The following PIK3R6 variants were observed in gnomAD, a reference collection of about 807,000 sequenced individuals.
The protein encoded by PIK3R6 is phosphoinositide-3-kinase regulatory subunit 6.
A neutral mutation model predicts 84.9 loss-of-function variants in PIK3R6; 91 were observed. The observed-to-expected ratio is 1.07, with a 90% CI of 0.90 to 1.28. The LOEUF (loss-of-function observed/expected upper bound fraction) is 1.28, where lower values mean the gene tolerates loss of function less well. PIK3R6 is among the 50% of genes most tolerant of loss of function. The pLI is 0.00. For missense variants in PIK3R6, 996 were observed against 985.1 expected, an observed-to-expected ratio of 1.01 and a Z score of -0.15; for synonymous variants, 416 against 411.4, an observed-to-expected ratio of 1.01 and a Z score of -0.13.
intron 1 of PIK3R6, among the ~76,000 whole-genome samples, chr17:8,856,461 G>C (rs1206693712): frequency 6.6e-6 from 1 of 152,170 alleles, no homozygotes; most frequent in African/African-American, 2.4e-5. Flanking sequence ...AATTAGCCAG[G>C]CATGGTGGCA....
At chr17:8,816,426 T>C (rs8070442) in intron 18 of PIK3R6, among the ~76,000 whole-genome samples, 3,450 of 152,310 alleles carry the variant, frequency 0.023, 127 homozygotes, top group African/African-American at 0.076. Context: ...CAAGGAAATA[T>C]GGTCTTTAGA....
At chr17:8,813,326 G>A (rs56373714) in intron 18 of PIK3R6, among the ~76,000 whole-genome samples, 5,742 of 152,090 alleles carry the variant, frequency 0.038, 380 homozygotes, top group African/African-American at 0.13. Flanking sequence ...GACATACAAG[G>A]AAGAACTGAT....
rs1401611445 is a variant in PIK3R6 at position 8,828,594 on chromosome 17, C to T, written c.1286G>A (p.Arg429His). 13 of 1,612,848 alleles carry T rather than the reference C, an allele frequency of 8.1e-6. No homozygotes were observed. The highest frequency in any genetic ancestry group is 1.1e-5 in the Non-Finnish European group (13 of 1,179,628). The change falls in exon 11 of 20, where the codon CGC (arginine) becomes CAC (histidine). Residue 429 changes from arginine (R) to histidine (H), a missense_variant. By Grantham distance (29) the Arg-to-His change is conservative. Coordinates refer to ENST00000619866, the MANE Select transcript of PIK3R6 (RefSeq NM_001010855.4). Reference sequence around the variant, plus strand: ...GAGTCTGTGGTAGGCCTGGGCCAGGCGCCCCAGCATCCTGTCATCTCCGAG... The same window carrying T: ...GAGTCTGTGGTAGGCCTGGGCCAGGTGCCCCAGCATCCTGTCATCTCCGAG... Reference protein sequence around the residue: ...LVLGDDRMLGRLAQAYHRLRK... With the variant: ...LVLGDDRMLGHLAQAYHRLRK...
intron 10 of PIK3R6, among the ~76,000 whole-genome samples, chr17:8,829,216 CACACACACAGAG>C (rs886279602): frequency 1.1e-4 from 7 of 61,936 alleles, no homozygotes; most frequent in African/African-American, 2.7e-4. Flanking sequence ...CACACACAGA[CACACACACAGAG>C]ACACACTGAA....
At position 8,803,722 on chromosome 17, in the gene PIK3R6, A is replaced by G; in HGVS notation, c.2109-293T>C. 1.8e-6 allele frequency: 1 copy of G among 544,866 alleles called. No homozygotes were observed. The highest frequency in any genetic ancestry group is 3.3e-6 in the Non-Finnish European group (1 of 306,486). The allele number at this position is 544,866 out of a possible 1,614,324, so 33.8% of individuals were successfully genotyped here. A position where few individuals can be genotyped will look rare whatever the true frequency, so the allele number is the denominator to read the frequency against. ...CAGCTAACTGGAACACAGATGCCAC[A>G]GGTCAGCCTGTGTGGGAGGGGCCCG... On this transcript the variant is annotated intron_variant, in intron 19 of 19. Coordinates refer to ENST00000619866, the MANE Select transcript of PIK3R6 (RefSeq NM_001010855.4). This position sits in a 1 kb window ranked among gnomAD's most constrained non-coding sequence, Gnocchi z 5.0.
chr17:8,865,875 G>A (rs1005974323), intron 1 of PIK3R6, among the ~76,000 whole-genome samples: 1 of 151,982 alleles, frequency 6.6e-6, no homozygotes, highest in African/African-American at 2.4e-5. Context: ...GAGCCAGTGG[G>A]GTGGGGGTGG....
At chr17:8,816,557 A>G (rs2087550120) in intron 18 of PIK3R6, among the ~76,000 whole-genome samples, 1 of 152,246 alleles carries the variant, frequency 6.6e-6, no homozygotes, top group African/African-American at 2.4e-5. Flanking sequence ...ACAAAGCGGG[A>G]AAAGTATTTC....
At chr17:8,845,186 C>A (rs1042709739) in intron 2 of PIK3R6, among the ~76,000 whole-genome samples, 10 of 152,258 alleles carry the variant, frequency 6.6e-5, no homozygotes, top group African/African-American at 2.4e-4. Flanking sequence ...GGGATATATA[C>A]CCAGTAGTGG....
chr17:8,829,411 C>G (rs1175318309), intron 10 of PIK3R6, among the ~76,000 whole-genome samples: 1 of 146,294 alleles, frequency 6.8e-6, no homozygotes, highest in African/African-American at 2.5e-5. Flanking sequence ...CACATACACA[C>G]AGACACACTG....
chr17:8,803,286 C>T lies in PIK3R6; in HGVS notation c.2252G>A (p.Gly751Asp), dbSNP rs770489585. The T allele has an allele frequency of 1.9e-6, 3 of 1,612,400 alleles. No individual in the cohort carries two copies. The highest frequency in any genetic ancestry group is 4.5e-5 in the East Asian group (2 of 44,872). Reference sequence around the variant, plus strand: ...GTCCCTGCAGGCTCACTGGACAATACCAGAGAATGTGTTGATGGGCATCAG... The same window carrying T: ...GTCCCTGCAGGCTCACTGGACAATATCAGAGAATGTGTTGATGGGCATCAG... ...PLLMPINTFSGIVQ is the reference protein window; with the variant it reads ...PLLMPINTFSDIVQ The change falls in exon 20 of 20, where the codon GGT becomes GAT. Residue 751 changes from glycine (G) to aspartate (D), a missense_variant. Gly to Asp is a moderately conservative substitution (Grantham distance 94, BLOSUM62 -1). Coordinates refer to ENST00000619866, the MANE Select transcript of PIK3R6 (RefSeq NM_001010855.4). This position sits in a 1 kb window ranked among gnomAD's most constrained non-coding sequence, Gnocchi z 5.0.
intron 2 of PIK3R6, among the ~76,000 whole-genome samples, chr17:8,848,947 T>C (rs901402460): frequency 6.6e-6 from 1 of 152,108 alleles, no homozygotes; most frequent in African/African-American, 2.4e-5. Context: ...AGATGGATCT[T>C]TAGGGGAATT....
At chr17:8,817,494 T>C in intron 18 of PIK3R6, among the ~76,000 whole-genome samples, 1 of 151,892 alleles carries the variant, frequency 6.6e-6, no homozygotes, top group East Asian at 1.9e-4. Flanking sequence ...ATACAAAAAT[T>C]AGCTGGGCAT....
intron 17 of PIK3R6, among the ~76,000 whole-genome samples, chr17:8,820,691 G>C (rs955662853): frequency 6.6e-6 from 1 of 152,232 alleles, no homozygotes; most frequent in Admixed American, 6.5e-5. Context: ...ATTAGGAAGT[G>C]ATATAATTTC....
intron 10 of PIK3R6, among the ~76,000 whole-genome samples, chr17:8,829,288 T>TG (rs533919819): frequency 0.025 from 2,879 of 113,090 alleles, 58 homozygotes; most frequent in African/African-American, 0.072. Flanking sequence ...CACACACGCA[T>TG]CATGCATACA....
chr17:8,807,101 G>A (rs1185052262), intron 18 of PIK3R6, among the ~76,000 whole-genome samples: 3 of 152,266 alleles, frequency 2.0e-5, no homozygotes, highest in African/African-American at 7.2e-5. Flanking sequence ...AAATGCAACA[G>A]AAGGGTAAAT....
At chr17:8,809,997 G>C (rs562452187) in intron 18 of PIK3R6, among the ~76,000 whole-genome samples, 1 of 152,230 alleles carries the variant, frequency 6.6e-6, no homozygotes, top group Non-Finnish European at 1.5e-5. Context: ...GGAGCACCCA[G>C]ATTCCTAAAT....
intron 10 of PIK3R6, among the ~76,000 whole-genome samples, 189 bp downstream of exon 10, chr17:8,829,517 T>TAC (rs10608111): frequency 2.8e-4 from 35 of 122,880 alleles, no homozygotes; most frequent in Non-Finnish European, 3.5e-4. Context: ...CACTCATGCA[T>TAC]ACACACACAC....
chr17:8,837,746 T>C (rs1597416038), intron 5 of PIK3R6, 57 bp downstream of exon 5: 1 of 1,464,956 alleles, frequency 6.8e-7, no homozygotes, highest in Non-Finnish European at 9.5e-7. Flanking sequence ...GGGGAGAGTG[T>C]CCAGCCCAGC....
chr17:8,828,863 G>A lies in PIK3R6; in HGVS notation c.1017C>T (p.Asp339=), dbSNP rs1209434581. Reference sequence around the variant, plus strand: ...TGGGAAGGTCCCGCTCAATGCCGCTGTCAGTGGACAGCACAGAAACCCGGG... The same window carrying A: ...TGGGAAGGTCCCGCTCAATGCCGCTATCAGTGGACAGCACAGAAACCCGGG... ...ELARVSVLST[D]SGIERDLPTG... is the part of the protein sequence containing the mutation. The change falls in exon 11 of 20, where the codon GAC becomes GAT. Residue 339 remains aspartate, a synonymous_variant. Transcript: ENST00000619866. The A allele has an allele frequency of 5.0e-6, 8 of 1,593,072 alleles. No homozygotes were observed. In the Admixed American group the frequency reaches 1.4e-4, roughly 28 times the overall value.
Sources: gnomAD v4.1 joint callset for allele counts (sites outside exome capture counted in the v4.1 genomes callset) on GRCh38, gnomAD v4.1.1 for gene constraint, Gnocchi (gnomAD v3.1) non-coding constraint, MANE v1.5 for transcripts, NCBI Gene and HGNC (gene_info 2026-07-23, HGNC 2026-07-21) for gene names.